The following PRSS37 variants were observed in gnomAD, a reference collection of about 807,000 sequenced individuals.
PRSS37 encodes serine protease 37.
PRSS37 carries 25 observed loss-of-function variants against 28.0 expected under a neutral mutation model. The observed-to-expected ratio is 0.89, with a 90% CI of 0.65 to 1.25. The LOEUF is 1.25. PRSS37 is among the 50% of genes most tolerant of loss of function. The pLI, the probability that PRSS37 is intolerant of heterozygous loss-of-function variation, is 0.00. For synonymous variants in PRSS37, 109 were observed against 107.8 expected (o/e 1.01, Z -0.07); for missense variants, 282 against 292.2 (o/e 0.97, Z 0.25).
chr7:141,837,616 A>G, intron 3 of PRSS37: 1 of 1,514,642 alleles, frequency 6.6e-7, no homozygotes, highest in Non-Finnish European at 8.8e-7. Flanking sequence ...CTCTGTGCAG[A>G]GTCAGATGGC....
chr7:141,837,301 T>C, intron 3 of PRSS37, 53 bp from the exon 4 acceptor site: 1 of 1,546,216 alleles, frequency 6.5e-7, no homozygotes, highest in Non-Finnish European at 8.7e-7. Flanking sequence ...GTTATTTTAG[T>C]CCTTCTGACC....
intron 1 of PRSS37, 108 bp downstream of exon 1, chr7:141,840,908 G>T: frequency 9.1e-7 from 1 of 1,097,664 alleles, no homozygotes; most frequent in Non-Finnish European, 1.4e-6. Context: ...TTCTGCTGAT[G>T]ACACTATTTT....
Position 141,837,948 on chromosome 7 carries a change from T to G in PRSS37, c.342A>C (p.Lys114Asn). The change falls in exon 3 of 5, where the codon AAA (lysine) becomes AAC (asparagine). Residue 114 changes from lysine to asparagine, a missense_variant. Physicochemically the swap from Lys to Asn is moderately conservative, Grantham distance 94 (BLOSUM62 0). Coordinates refer to ENST00000350549, the MANE Select transcript of PRSS37 (RefSeq NM_001008270.3). ...KLAKPAMLNPKVQPLTLATTN... is the reference protein window; with the variant it reads ...KLAKPAMLNPNVQPLTLATTN... ...TGGTGGCGAGGGTAAGGGGCTGGACTTTGGGATTGAGCATGGCAGGCTTAG... is the reference window on the plus strand; with the variant it reads ...TGGTGGCGAGGGTAAGGGGCTGGACGTTGGGATTGAGCATGGCAGGCTTAG... The G allele has an allele frequency of 1.2e-6, 2 of 1,614,082 alleles. No homozygotes were observed. Among genetic ancestry groups the G allele is most frequent in the Non-Finnish European group, 1.7e-6 (2 of 1,180,006 alleles).
intron 1 of PRSS37, 22 bp from the exon 2 acceptor site, chr7:141,839,501 T>G (rs1279392866): frequency 6.4e-7 from 1 of 1,566,694 alleles, no homozygotes; most frequent in South Asian, 1.1e-5. Flanking sequence ...ATGAACATTC[T>G]TAATACATAA....
chr7:141,837,747 A>G (rs1801009804), intron 3 of PRSS37, 113 bp downstream of exon 3: 82 of 1,548,278 alleles, frequency 5.3e-5, no homozygotes, highest in Admixed American at 1.2e-4. Flanking sequence ...TAGCATCTCT[A>G]TTGGGTCTCC....
At position 141,836,377 on chromosome 7, in the gene PRSS37, A is replaced by G; in HGVS notation, c.*18T>C. ...GTCCATGGCAGAGCCAGTGGAATGC[A>G]GAGGGAGAAGTAGGGTCTCACTTGT... On this transcript the variant is annotated 3_prime_UTR_variant, in exon 5 of 5. Coordinates refer to ENST00000350549, the MANE Select transcript of PRSS37 (RefSeq NM_001008270.3). 6.2e-7 allele frequency: 1 copy of G among 1,613,046 alleles called. No individual in the cohort carries two copies. Among genetic ancestry groups the G allele is most frequent in the South Asian group, 1.1e-5 (1 of 91,012 alleles).
intron 2 of PRSS37, chr7:141,838,772 A>T: frequency 3.1e-6 from 1 of 318,618 alleles, no homozygotes; most frequent in Non-Finnish European, 6.1e-6. Flanking sequence ...CTTTTTCTCT[A>T]TCTCTCCTTG....
Position 141,836,551 on chromosome 7 carries a change from CAGAGAGAGAG to C in PRSS37, c.568-26_568-17del, listed in dbSNP as rs10657416. 8.3e-4 allele frequency: 1,297 copies of C among 1,558,050 alleles called. 8 individuals are homozygous for C. The African/African-American group carries it at 0.016, about 19-fold the overall frequency. On this transcript the variant is annotated splice_polypyrimidine_tract_variant and intron_variant, in intron 4 of 4. Transcript: ENST00000350549. Reference sequence around the variant, plus strand: ...CGGCCACCTCCTACCGGAGATCATGCAGAGAGAGAGAGAGAGAGAGAGTAAGAGTGTCAGA... The same window carrying C: ...CGGCCACCTCCTACCGGAGATCATGCAGAGAGAGAGAGTAAGAGTGTCAGA...
At chr7:141,836,573 G>C (rs2117263735) in intron 4 of PRSS37, 38 bp from the exon 5 acceptor site, 4 of 1,600,134 alleles carry the variant, frequency 2.5e-6, no homozygotes, top group Non-Finnish European at 3.4e-6. Context: ...GAGAGAGAGA[G>C]TAAGAGTGTC....
Position 141,837,801 on chromosome 7 carries a change from T to A in PRSS37, c.430+59A>T, listed in dbSNP as rs1045328855. 3.0e-5 allele frequency: 48 copies of A among 1,577,950 alleles called. No individual in the cohort carries two copies. In the African/African-American group the frequency reaches 6.2e-4, roughly 20 times the overall value. On this transcript the variant is annotated intron_variant, in intron 3 of 4. Transcript: ENST00000350549. ...CTCTCTCCTCACAGCTATGAGGATA[T>A]GGATGTTCCTCCTAAAGGACAACTG...
At chr7:141,838,542 CT>C (rs1206752676) in intron 2 of PRSS37, 1 of 810,094 alleles carries the variant, frequency 1.2e-6, no homozygotes, top group Non-Finnish European at 1.6e-6. Flanking sequence ...TGCTCTGCAC[CT>C]TTGGAAGGGG....
At chr7:141,836,282 G>T, downstream of PRSS37, 1 of 1,066,908 alleles carries the variant, frequency 9.4e-7, no homozygotes, top group Non-Finnish European at 1.4e-6. Flanking sequence ...TTGGCTACTA[G>T]TATGCTACAT....
In PRSS37 at chr7:141,836,571, GAGTA is replaced by G. The variant is rs1467689727; in HGVS notation, c.568-40_568-37del. Reference sequence around the variant, plus strand: ...TCATGCAGAGAGAGAGAGAGAGAGAGAGTAAGAGTGTCAGATCTTCTCACAGGAA... The same window carrying G: ...TCATGCAGAGAGAGAGAGAGAGAGAGAGAGTGTCAGATCTTCTCACAGGAA... On this transcript the variant is annotated intron_variant, in intron 4 of 4. Coordinates refer to ENST00000350549, the MANE Select transcript of PRSS37 (RefSeq NM_001008270.3). 2.5e-6 allele frequency: 4 copies of G among 1,609,836 alleles called. No homozygotes were observed. The South Asian group carries it at 4.4e-5, about 18-fold the overall frequency.
Position 141,841,312 on chromosome 7 carries a change from T to C in PRSS37, c.-263A>G, listed in dbSNP as rs1056674469. On this transcript the variant is annotated 5_prime_UTR_variant, in exon 1 of 5. Coordinates refer to ENST00000350549, the MANE Select transcript of PRSS37 (RefSeq NM_001008270.3). ...ATTTCAGGGAAGGAAACTCCTGGAT[T>C]CAGCTCCTTCTATCTGCTGCCCCTA... The C allele has an allele frequency of 2.2e-5, 12 of 544,738 alleles. No individual in the cohort carries two copies. The highest frequency in any genetic ancestry group is 3.6e-5 in the Non-Finnish European group (12 of 328,990). 33.7% of individuals were successfully genotyped at this position (544,738 alleles called of 1,614,324 possible).
chr7:141,841,016 C>T lies in PRSS37; in HGVS notation c.34G>A (p.Gly12Arg). 1 of 1,613,676 alleles carries T rather than the reference C, an allele frequency of 6.2e-7. No individual in the cohort carries two copies. The highest frequency in any genetic ancestry group is 8.5e-7 in the Non-Finnish European group (1 of 1,179,636). ...AGAGTACAAGGTCTTGAGTACATAC[C>T]AGCGAGGACACCCAAATAGAAGACA... The part of the protein sequence containing the change: ...KYVFYLGVLA[G>R]TFFFADSSVQ... Residue 12 changes from glycine to arginine, a missense_variant and splice_region_variant, in exon 1 of 5, where the codon GGG becomes AGG. Coordinates refer to ENST00000350549, the MANE Select transcript of PRSS37 (RefSeq NM_001008270.3).
chr7:141,841,169 G>T lies in PRSS37; in HGVS notation c.-120C>A, dbSNP rs187596030. On this transcript the variant is annotated 5_prime_UTR_variant, in exon 1 of 5. The change creates a premature stop within an existing upstream ORF in the 5' untranslated region. Transcript: ENST00000350549. ...TCAGTGGCTATGGTTAGATACGGAG[G>T]CACTCCATGGGATTGGAAAGCAGCT... is the stretch of plus-strand genomic sequence containing the variant. The T allele has an allele frequency of 5.8e-6, 9 of 1,549,530 alleles. No homozygotes were observed. The East Asian group carries it at 2.1e-4, about 37-fold the overall frequency.
Position 141,836,442 on chromosome 7 carries a change from C to T in PRSS37, c.661G>A (p.Val221Ile), listed in dbSNP as rs1563051011. ...MGGDVGIYTNVYKYVSWIENT... is the reference protein window; with the variant it reads ...MGGDVGIYTNIYKYVSWIENT... ...TCAATCCAGGATACATATTTGTAAA[C>T]ATTGGTGTAGATGCCGACGTCCCCT... Residue 221 changes from valine to isoleucine, a missense_variant, in exon 5 of 5, where the codon GTT becomes ATT. By Grantham distance (29) the Val-to-Ile change is conservative. Coordinates refer to ENST00000350549, the MANE Select transcript of PRSS37 (RefSeq NM_001008270.3). 1.2e-6 allele frequency: 2 copies of T among 1,614,132 alleles called. No individual in the cohort carries two copies. Among genetic ancestry groups the T allele is most frequent in the East Asian group, 4.5e-5 (2 of 44,880 alleles).
rs770963578 is a variant in PRSS37 at position 141,837,907 on chromosome 7, C to A, written c.383G>T (p.Gly128Val). The change falls in exon 3 of 5, where the codon GGC (glycine) becomes GTC (valine). Residue 128 changes from glycine to valine, a missense_variant. Gly to Val is a moderately radical substitution (Grantham distance 109). Coordinates refer to ENST00000350549, the MANE Select transcript of PRSS37 (RefSeq NM_001008270.3). ...LTLATTNVRP[G>V]TVCLLSGLDW... is the part of the protein sequence containing the mutation. ...CAAACCTGAGAGTAGACAGACAGTG[C>A]CTGGCCTGACATTGGTGGTGGCGAG... 5 of 1,614,006 alleles carry A rather than the reference C, an allele frequency of 3.1e-6. No individual in the cohort carries two copies. The highest frequency in any genetic ancestry group is 3.4e-6 in the Non-Finnish European group (4 of 1,179,970).
intron 1 of PRSS37, among the ~76,000 whole-genome samples, chr7:141,839,865 G>A (rs1216931325): frequency 4.6e-4 from 70 of 151,894 alleles, no homozygotes; most frequent in Non-Finnish European, 7.4e-5. Context: ...ATATAGACAA[G>A]GATTACAAAC....
Sources: allele counts gnomAD v4.1 joint callset (sites outside exome capture counted in the v4.1 genomes callset), GRCh38; gene constraint gnomAD v4.1.1; transcripts MANE v1.5; gene names NCBI Gene and HGNC (gene_info 2026-07-23, HGNC 2026-07-21).